ZNF521: variants seen among roughly 807,000 people sequenced by gnomAD.
ZNF521 encodes the protein zinc finger protein 521, also known as LYST-interacting protein 3.
In ZNF521, 14 loss-of-function variants were observed where a neutral mutation model predicts 105.5. That is an observed-to-expected ratio of 0.13 (90% CI 0.09 to 0.21). ZNF521 has a LOEUF of 0.21. Among genes scored for constraint, ZNF521 ranks in the 10% least tolerant of loss-of-function variants. ZNF521 has a pLI of 1.00. For missense variants in ZNF521, 1,233 were observed against 1,629.7 expected, an observed-to-expected ratio of 0.76 and a Z score of 4.19; for synonymous variants, 635 against 606.0, an observed-to-expected ratio of 1.05 and a Z score of -0.70.
At chr18:25,334,666 T>C (rs1450076409) in intron 2 of ZNF521, among the ~76,000 whole-genome samples, 2 of 152,202 alleles carry the variant, frequency 1.3e-5, no homozygotes, top group Non-Finnish European at 2.9e-5. Context: ...AATATAAAAG[T>C]TCACACAATT....
rs1491357007 is a variant in ZNF521 at position 25,074,053 on chromosome 18, CAT to C, written c.3907-11314_3907-11313del. The stretch of plus-strand genomic sequence containing the variant: ...GTGCGTGCATGTGTGTGTCTGTGCA[CAT>C]GTGTGCGCACGCGTGTGTGCGTGCG... On this transcript the variant is annotated intron_variant, in intron 7 of 7. Coordinates refer to ENST00000361524, the MANE Select transcript of ZNF521 (RefSeq NM_015461.3). Among the ~76,000 whole-genome samples the C allele has an allele frequency of 6.6e-5, 9 of 135,880 alleles. No homozygotes were observed. The South Asian group carries it at 9.7e-4, about 15-fold the overall frequency. The allele number at this position is 135,880 out of a possible 152,430, so 89.1% of individuals were successfully genotyped here.
At chr18:25,243,677 C>A (rs1907505582) in intron 3 of ZNF521, among the ~76,000 whole-genome samples, 1 of 152,168 alleles carries the variant, frequency 6.6e-6, no homozygotes, top group Admixed American at 6.5e-5. Flanking sequence ...AATTTTACTT[C>A]AACGCAGGAC....
chr18:25,293,351 T>TACACACACACACACACACAC (rs55818021), intron 3 of ZNF521, among the ~76,000 whole-genome samples: 17 of 143,126 alleles, frequency 1.2e-4, no homozygotes, highest in African/African-American at 3.9e-4. Context: ...CATGTACACA[T>TACACACACACACACACACAC]ACACACACAC....
At position 25,211,920 on chromosome 18, in the gene ZNF521, T is replaced by C. The variant is rs528682322; in HGVS notation, c.3573+12425A>G. ...AGAGATTCAATTTTATTTTATTCCA[T>C]ATAGATAATGAGTTGAACAGTTTAT... On this transcript the variant is annotated intron_variant, in intron 4 of 7. Coordinates refer to ENST00000361524, the MANE Select transcript of ZNF521 (RefSeq NM_015461.3). Among the ~76,000 whole-genome samples the C allele has an allele frequency of 1.3e-4, 20 of 152,340 alleles. No homozygotes were observed. In the East Asian group the frequency reaches 2.9e-3, roughly 22 times the overall value.
rs2035135269 is a variant in ZNF521, at chr18:25,155,927, A to G, written c.3658+39233T>C. Among the ~76,000 whole-genome samples, 3 of 152,306 alleles carry G rather than the reference A, an allele frequency of 2.0e-5. No individual in the cohort carries two copies. The South Asian group carries it at 6.2e-4, about 32-fold the overall frequency. On this transcript the variant is annotated intron_variant, in intron 5 of 7. Transcript: ENST00000361524. ...CTCACTTATATGTGTAATCTTAATA[A>G]AAGGTTAAATAAAACATATAGAGAA...
At chr18:25,252,000 T>C (rs1908154757) in intron 3 of ZNF521, among the ~76,000 whole-genome samples, 1 of 152,162 alleles carries the variant, frequency 6.6e-6, no homozygotes, top group South Asian at 2.1e-4. Context: ...TGTACCGTTT[T>C]CAAGCTAAAG....
rs181102971 is a variant in ZNF521 at position 25,289,344 on chromosome 18, C to T, written c.220+32664G>A. ...CCCCTGGCAGAAAGGATTCTCCTCC[C>T]TCCCCAGTCCCTTCACATTCAAGGT... On this transcript the variant is annotated intron_variant, in intron 3 of 7. Coordinates refer to ENST00000361524, the MANE Select transcript of ZNF521 (RefSeq NM_015461.3). 4.2e-4 allele frequency among the ~76,000 whole-genome samples: 64 copies of T among 152,318 alleles called. 1 individual carries two copies. The South Asian group carries it at 0.011, about 27-fold the overall frequency.
At position 25,067,875 on chromosome 18, in the gene ZNF521, G is replaced by A. The variant is rs369032366; in HGVS notation, c.3907-5134C>T. 2.5e-3 allele frequency among the ~76,000 whole-genome samples: 383 copies of A among 151,832 alleles called. 4 individuals carry two copies. The highest frequency in any genetic ancestry group is 9.0e-3 in the African/African-American group (373 of 41,342). On this transcript the variant is annotated intron_variant, in intron 7 of 7. Coordinates refer to ENST00000361524, the MANE Select transcript of ZNF521 (RefSeq NM_015461.3). ...CATCGGCAAAATGTTACGTATCAGT[G>A]GTCATAAAAACAAAAATGGCATTTG... is the stretch of plus-strand genomic sequence containing the variant.
At chr18:25,250,014 C>A (rs1908003014) in intron 3 of ZNF521, among the ~76,000 whole-genome samples, 1 of 152,170 alleles carries the variant, frequency 6.6e-6, no homozygotes, top group Non-Finnish European at 1.5e-5. Flanking sequence ...TCTCGGCTAA[C>A]TGCAAACTCC....
chr18:25,144,924 C>G (rs564712070), intron 5 of ZNF521, among the ~76,000 whole-genome samples: 1 of 152,292 alleles, frequency 6.6e-6, no homozygotes, highest in African/African-American at 2.4e-5. Context: ...ATACAAAACT[C>G]AGTTATCCCA....
intron 4 of ZNF521, among the ~76,000 whole-genome samples, chr18:25,208,425 A>T (rs2036120603): frequency 6.6e-6 from 1 of 152,222 alleles, no homozygotes; most frequent in African/African-American, 2.4e-5. Context: ...TGGTGCTAAA[A>T]GAATCTGTTT....
Position 25,137,619 on chromosome 18 carries a change from T to G in ZNF521, c.3659-45538A>C, listed in dbSNP as rs9959591. Among the ~76,000 whole-genome samples, 1,051 of 152,238 alleles carry G rather than the reference T, an allele frequency of 6.9e-3. 6 individuals carry two copies. The highest frequency in any genetic ancestry group is 0.024 in the African/African-American group (998 of 41,560). ...ATGTCAGCAGGAAATCAAGTCCGTC[T>G]TCTTCATTTTTCCTGTCCAGATTCT... On this transcript the variant is annotated intron_variant, in intron 5 of 7. Coordinates refer to ENST00000361524, the MANE Select transcript of ZNF521 (RefSeq NM_015461.3).
chr18:25,331,831 C>A (rs74400388), intron 2 of ZNF521, among the ~76,000 whole-genome samples: 36,731 of 150,744 alleles, frequency 0.24, 4,461 homozygotes, highest in Admixed American at 0.3. Context: ...ACCTCATTCA[C>A]AAAAATCAAT....
At chr18:25,145,966 A>G (rs2034934518) in intron 5 of ZNF521, among the ~76,000 whole-genome samples, 1 of 152,210 alleles carries the variant, frequency 6.6e-6, no homozygotes, top group African/African-American at 2.4e-5. Flanking sequence ...AGAAAGAGAG[A>G]TGATGACAAC....
At chr18:25,146,195 C>T (rs886680284) in intron 5 of ZNF521, among the ~76,000 whole-genome samples, 1 of 152,120 alleles carries the variant, frequency 6.6e-6, no homozygotes, top group Non-Finnish European at 1.5e-5. Context: ...AACACTCAGG[C>T]CTGTTTTTCT....
intron 3 of ZNF521, among the ~76,000 whole-genome samples, chr18:25,280,080 A>T (rs1442301997): frequency 6.6e-6 from 1 of 152,230 alleles, no homozygotes. Context: ...TCAGAGCTGG[A>T]AGGATCCTTG....
intron 7 of ZNF521, among the ~76,000 whole-genome samples, chr18:25,087,114 C>T (rs1016288114): frequency 6.6e-6 from 1 of 152,136 alleles, no homozygotes; most frequent in African/African-American, 2.4e-5. Context: ...TAATAGATTT[C>T]TCAGTTTTGA....
At chr18:25,202,622 A>G (rs1206579501) in intron 4 of ZNF521, 1 of 152,224 alleles carries the variant, frequency 6.6e-6, no homozygotes, top group East Asian at 1.9e-4. Context: ...AGCAATATAC[A>G]TTACCATCCC....
chr18:25,106,726 C>T (rs570793909), intron 5 of ZNF521, among the ~76,000 whole-genome samples: 2 of 152,236 alleles, frequency 1.3e-5, no homozygotes, highest in South Asian at 4.2e-4. Context: ...TAGTCACCCA[C>T]TACATCTTTT....
Sources: gnomAD v4.1 joint callset for allele counts (sites outside exome capture counted in the v4.1 genomes callset) on GRCh38, gnomAD v4.1.1 for gene constraint, MANE v1.5 for transcripts, NCBI Gene and HGNC (gene_info 2026-07-23, HGNC 2026-07-21) for gene names.